ADCYAP1R1: variants seen among roughly 807,000 people sequenced by gnomAD.
ADCYAP1R1 encodes pituitary adenylate cyclase-activating polypeptide type I receptor.
A neutral mutation model predicts 67.6 loss-of-function variants in ADCYAP1R1; 44 were observed. The ratio of observed to expected loss-of-function variants is 0.65; its 90% CI spans 0.51 to 0.84. The LOEUF is 0.84. ADCYAP1R1 is among the 40% of genes least tolerant of loss of function. ADCYAP1R1 has a pLI of 0.00. For missense variants in ADCYAP1R1, 477 were observed against 587.9 expected (o/e 0.81, Z 1.95); for synonymous variants, 222 against 219.6 (o/e 1.01, Z -0.10).
chr7:31,056,757 A>C (rs1484312769), intron 1 of ADCYAP1R1, among the ~76,000 whole-genome samples: 1 of 151,644 alleles, frequency 6.6e-6, no homozygotes, highest in African/African-American at 2.4e-5. Context: ...TGATCACTCC[A>C]CTCCATTGCT....
chr7:31,076,220 G>A (rs1282654118), intron 3 of ADCYAP1R1, among the ~76,000 whole-genome samples: 4 of 152,214 alleles, frequency 2.6e-5, no homozygotes, highest in African/African-American at 7.2e-5. Flanking sequence ...ACCTGCATTC[G>A]GTCAGGGCCG....
chr7:31,099,568 G>T (rs1203331686), intron 13 of ADCYAP1R1, among the ~76,000 whole-genome samples: 3 of 152,194 alleles, frequency 2.0e-5, no homozygotes, highest in Admixed American at 2.0e-4. Flanking sequence ...TTGCTGGGGG[G>T]CTCACAGGGA....
chr7:31,084,681 G>C (rs1196928809), intron 7 of ADCYAP1R1, 56 bp from the exon 8 acceptor site: 3 of 1,473,370 alleles, frequency 2.0e-6, no homozygotes, highest in African/African-American at 2.8e-5. Context: ...GCCTGAGGCA[G>C]CCTGGCTGTG....
Position 31,110,256 on chromosome 7 carries a change from A to T in ADCYAP1R1, c.*3572A>T, listed in dbSNP as rs1266947149. The T allele has an allele frequency of 6.6e-6, 1 of 151,742 alleles. No homozygotes were observed. The highest frequency in any genetic ancestry group is 1.5e-5 in the Non-Finnish European group (1 of 68,006). The allele number at this position is 151,742 out of a possible 1,614,324, so 9.4% of individuals were successfully genotyped here. A position where few individuals can be genotyped will look rare whatever the true frequency, so the allele number is the denominator to read the frequency against. On this transcript the variant is annotated 3_prime_UTR_variant, in exon 16 of 16. Transcript: ENST00000304166. ...TATCATAAAGTATTAATACTTTGTC[A>T]TAAAGTCCTCCTTGAGCCCAGGGAC...
At chr7:31,094,567 A>G (rs926968034) in intron 13 of ADCYAP1R1, among the ~76,000 whole-genome samples, 5 of 151,836 alleles carry the variant, frequency 3.3e-5, no homozygotes, top group East Asian at 3.9e-4. Context: ...GGGCCCCCCA[A>G]CCTCTTCTCT....
intron 4 of ADCYAP1R1, among the ~76,000 whole-genome samples, chr7:31,078,968 G>T (rs1333165983): frequency 1.3e-5 from 2 of 152,200 alleles, no homozygotes; most frequent in African/African-American, 4.8e-5. Context: ...GGCCACTGAA[G>T]TGCTGTGGAG....
Position 31,060,108 on chromosome 7 carries a change from T to TG in ADCYAP1R1, c.-71-3081dup, listed in dbSNP as rs549250785. On this transcript the variant is annotated intron_variant, in intron 1 of 15. Transcript: ENST00000304166. The stretch of plus-strand genomic sequence containing the variant: ...GCAGCCTGGCGATGAAGCAGAGGGC[T>TG]GGGGGTGGGTCGGGGCTGGGGCCTC... Among the ~76,000 whole-genome samples the TG allele has an allele frequency of 8.2e-3, 1,060 of 130,010 alleles. 9 individuals are homozygous for TG. Among genetic ancestry groups the TG allele is most frequent in the Middle Eastern group, 0.014 (4 of 276 alleles). The allele number at this position is 130,010 out of a possible 152,430, so 85.3% of individuals were successfully genotyped here.
At chr7:31,068,248 C>T (rs1008854341) in intron 3 of ADCYAP1R1, among the ~76,000 whole-genome samples, 6 of 151,876 alleles carry the variant, frequency 4.0e-5, no homozygotes, top group South Asian at 2.1e-4. Flanking sequence ...CGTACAAGAA[C>T]GCATTTAACC....
At chr7:31,087,085 A>T (rs776136565) in intron 11 of ADCYAP1R1, 82 bp downstream of exon 11, 28 of 1,475,450 alleles carry the variant, frequency 1.9e-5, no homozygotes, top group Admixed American at 3.4e-5. Context: ...CTGACTTCAC[A>T]TGAACTGCCC....
chr7:31,082,174 G>T (rs1358091547), intron 6 of ADCYAP1R1, among the ~76,000 whole-genome samples: 1 of 152,150 alleles, frequency 6.6e-6, no homozygotes, highest in Non-Finnish European at 1.5e-5. Context: ...TGCTTGTCTC[G>T]CCAGTCTCCC....
intron 3 of ADCYAP1R1, among the ~76,000 whole-genome samples, chr7:31,068,018 A>C (rs1382760108): frequency 6.6e-6 from 1 of 152,134 alleles, no homozygotes; most frequent in East Asian, 1.9e-4. Context: ...CTGGAAGAGC[A>C]GGGGAGAAGT....
chr7:31,088,173 A>G lies in ADCYAP1R1; in HGVS notation c.954+477A>G, dbSNP rs532667055. Among the ~76,000 whole-genome samples the G allele has an allele frequency of 5.8e-4, 88 of 152,362 alleles. 1 individual carries two copies. Among genetic ancestry groups the G allele is most frequent in the African/African-American group, 2.0e-3 (84 of 41,586 alleles). ...TTATAATTTTAATGTACATTTCTCC[A>G]TCTCGCTAGCGTAACTGAGCACTTG... is the stretch of plus-strand genomic sequence containing the variant. On this transcript the variant is annotated intron_variant, in intron 12 of 15. Transcript: ENST00000304166.
intron 13 of ADCYAP1R1, among the ~76,000 whole-genome samples, chr7:31,094,866 T>TAA (rs3216472): frequency 2.0e-4 from 30 of 150,832 alleles, no homozygotes; most frequent in African/African-American, 2.7e-4. Context: ...CTTCTGGCAT[T>TAA]AAAAAAAAAT....
chr7:31,069,124 C>T (rs2128620103), intron 3 of ADCYAP1R1, among the ~76,000 whole-genome samples: 1 of 152,256 alleles, frequency 6.6e-6, no homozygotes, highest in South Asian at 2.1e-4. Context: ...CTAAAGTGTA[C>T]CCAGGTCTGA....
At chr7:31,054,950 AGGAATCTGATTCCAG>A (rs555162487) in intron 1 of ADCYAP1R1, among the ~76,000 whole-genome samples, 1 of 152,302 alleles carries the variant, frequency 6.6e-6, no homozygotes, top group South Asian at 2.1e-4. Flanking sequence ...CCCTGAGGAG[AGGAATCTGATTCCAG>A]GGTCTGAATG....
intron 9 of ADCYAP1R1, 52 bp downstream of exon 9, chr7:31,085,494 AT>A (rs1271548996): frequency 3.8e-6 from 6 of 1,562,492 alleles, no homozygotes; most frequent in Non-Finnish European, 4.3e-6. Flanking sequence ...GTCCCGCACC[AT>A]CCCCTTGGTT....
At chr7:31,081,837 A>T in intron 6 of ADCYAP1R1, 83 bp downstream of exon 6, 1 of 1,171,858 alleles carries the variant, frequency 8.5e-7, no homozygotes, top group Non-Finnish European at 1.2e-6. Flanking sequence ...ACCCCATCCC[A>T]GGCTGGGCTC....
rs755003000 is a variant in ADCYAP1R1, at chr7:31,084,704, A to G, written c.439-33A>G. 2.5e-6 allele frequency: 4 copies of G among 1,573,288 alleles called. No homozygotes were observed. In the East Asian group the frequency reaches 6.7e-5, roughly 26 times the overall value. On this transcript the variant is annotated intron_variant, in intron 7 of 15. Coordinates refer to ENST00000304166, the MANE Select transcript of ADCYAP1R1 (RefSeq NM_001118.5). The stretch of plus-strand genomic sequence containing the variant: ...CAGCCTGGCTGTGGGCAGGTCTCAC[A>G]TGAAGTCCTGCATGTCCTGTGCTCT...
Position 31,108,873 on chromosome 7 carries a change from C to T in ADCYAP1R1, c.*2189C>T, listed in dbSNP as rs1796748809. The T allele has an allele frequency of 6.6e-6, 1 of 151,992 alleles. No homozygotes were observed. The highest frequency in any genetic ancestry group is 2.4e-5 in the African/African-American group (1 of 41,354). 9.4% of individuals were successfully genotyped at this position (151,992 alleles called of 1,614,324 possible). A position where few individuals can be genotyped will look rare whatever the true frequency, so the allele number is the denominator to read the frequency against. On this transcript the variant is annotated 3_prime_UTR_variant, in exon 16 of 16. Transcript: ENST00000304166. ...GGACACCACAGTGGAAGCTGGTGGC[C>T]TGGAAGGAAGGATTAGGTCATGGAC...
Sources: allele counts gnomAD v4.1 joint callset (sites outside exome capture counted in the v4.1 genomes callset), GRCh38; gene constraint gnomAD v4.1.1; transcripts MANE v1.5; gene names NCBI Gene and HGNC (gene_info 2026-07-23, HGNC 2026-07-21).